Variants in XRCC4 observed in about 807,000 individuals in gnomAD.
XRCC4 encodes DNA repair protein XRCC4.
XRCC4 carries 28 observed loss-of-function variants against 39.1 expected under a neutral mutation model. The ratio of observed to expected loss-of-function variants is 0.72; its 90% CI spans 0.53 to 0.98. The LOEUF is 0.98. XRCC4 is among the 50% of genes least tolerant of loss of function. The pLI, the probability that XRCC4 is intolerant of heterozygous loss-of-function variation, is 0.00. For synonymous variants in XRCC4, 123 were observed against 126.4 expected (o/e 0.97, Z 0.18); for missense variants, 350 against 376.4 (o/e 0.93, Z 0.58).
intron 3 of XRCC4, among the ~76,000 whole-genome samples, chr5:83,130,956 G>T (rs1411794923): frequency 6.6e-6 from 1 of 151,912 alleles, no homozygotes; most frequent in Non-Finnish European, 1.5e-5. Context: ...GGTTTTTTGT[G>T]TCTCTTATCT....
chr5:83,146,260 C>G (rs775730519), intron 3 of XRCC4, among the ~76,000 whole-genome samples: 3 of 152,124 alleles, frequency 2.0e-5, no homozygotes, highest in Admixed American at 1.3e-4. Flanking sequence ...GAAAAAGTAT[C>G]TAATGGTGAG....
intron 7 of XRCC4, among the ~76,000 whole-genome samples, chr5:83,269,300 A>C (rs888037080): frequency 6.6e-6 from 1 of 152,074 alleles, no homozygotes; most frequent in Non-Finnish European, 1.5e-5. Flanking sequence ...ACTGTGTCCT[A>C]TGCTGGGACT....
intron 7 of XRCC4, among the ~76,000 whole-genome samples, chr5:83,265,579 A>G (rs1018546994): frequency 6.6e-6 from 1 of 152,206 alleles, no homozygotes; most frequent in Non-Finnish European, 1.5e-5. Context: ...ATAATTCAAT[A>G]AAGATTGATC....
At chr5:83,366,091 C>T in the XRCC4 span, among the ~76,000 whole-genome samples, 6 of 152,152 alleles carry the variant, frequency 3.9e-5, no homozygotes, top group Admixed American at 3.9e-4. Context: ...TTTTTAACAG[C>T]CCCATTAACT....
intron 7 of XRCC4, among the ~76,000 whole-genome samples, chr5:83,275,344 G>T (rs1374040902): frequency 5.3e-5 from 8 of 150,706 alleles, no homozygotes. Context: ...GCCCAGGCTG[G>T]AGTGCAGTGG....
At chr5:83,233,859 C>T (rs1294922063) in intron 6 of XRCC4, among the ~76,000 whole-genome samples, 1 of 144,616 alleles carries the variant, frequency 6.9e-6, no homozygotes, top group Non-Finnish European at 1.5e-5. Flanking sequence ...CTTGAGATCG[C>T]ACTACTGCAC....
chr5:83,284,651 ACAAT>A (rs1317806478), intron 7 of XRCC4, among the ~76,000 whole-genome samples: 1 of 152,102 alleles, frequency 6.6e-6, no homozygotes, highest in East Asian at 1.9e-4. Flanking sequence ...TGATTTGTAA[ACAAT>A]CAATTTAATA....
At chr5:83,258,340 T>C (rs1392518476) in intron 6 of XRCC4, among the ~76,000 whole-genome samples, 190 bp from the exon 7 acceptor site, 2 of 152,172 alleles carry the variant, frequency 1.3e-5, no homozygotes, top group Non-Finnish European at 2.9e-5. Flanking sequence ...ATACATAATG[T>C]TTTTTGTTGG....
intron 7 of XRCC4, among the ~76,000 whole-genome samples, chr5:83,283,480 C>A (rs922643012): frequency 2.6e-5 from 4 of 152,104 alleles, no homozygotes; most frequent in African/African-American, 9.7e-5. Flanking sequence ...GATCAAATTT[C>A]TCTGTTTAAA....
chr5:83,185,468 A>T (rs1437627104), intron 3 of XRCC4, among the ~76,000 whole-genome samples: 1 of 150,768 alleles, frequency 6.6e-6, no homozygotes, highest in East Asian at 1.9e-4. Context: ...TGGTAAGTAT[A>T]CATGTGTGAA....
At chr5:83,339,641 C>T (rs561326267) in intron 7 of XRCC4, among the ~76,000 whole-genome samples, 55 of 152,068 alleles carry the variant, frequency 3.6e-4, no homozygotes, top group African/African-American at 1.0e-3. Flanking sequence ...AAAAAAAATT[C>T]AAGCTGTAGA....
intron 7 of XRCC4, among the ~76,000 whole-genome samples, chr5:83,348,121 C>G (rs1458826170): frequency 6.6e-6 from 1 of 152,168 alleles, no homozygotes; most frequent in Non-Finnish European, 1.5e-5. Flanking sequence ...CTTTCATAGG[C>G]TGGTATTGAG....
chr5:83,173,126 G>T (rs1749804998), intron 3 of XRCC4, among the ~76,000 whole-genome samples: 1 of 151,990 alleles, frequency 6.6e-6, no homozygotes, highest in South Asian at 2.1e-4. Context: ...TCTTTCTCTT[G>T]CATTACCTAG....
intron 3 of XRCC4, among the ~76,000 whole-genome samples, chr5:83,116,748 A>T (rs1217520321): frequency 6.6e-6 from 1 of 150,640 alleles, no homozygotes; most frequent in African/African-American, 2.4e-5. Flanking sequence ...CAGTCTCCTG[A>T]GTAGCTGGGA....
chr5:83,108,356 C>T (rs1231149062), intron 2 of XRCC4, among the ~76,000 whole-genome samples: 1 of 151,902 alleles, frequency 6.6e-6, no homozygotes, highest in African/African-American at 2.4e-5. Flanking sequence ...TTTTCAAGTA[C>T]ATTTTTGAAC....
At chr5:83,107,709 T>C (rs984422172) in intron 2 of XRCC4, among the ~76,000 whole-genome samples, 2 of 151,960 alleles carry the variant, frequency 1.3e-5, no homozygotes, top group Non-Finnish European at 2.9e-5. Context: ...CTGGAGTAGT[T>C]TGAAGTTTAT....
intron 7 of XRCC4, among the ~76,000 whole-genome samples, chr5:83,352,538 G>A (rs1757112142): frequency 6.6e-6 from 1 of 152,300 alleles, no homozygotes; most frequent in African/African-American, 2.4e-5. Context: ...CATTGAAGTA[G>A]TGACTACAAT....
At chr5:83,330,631 A>G (rs1421970266) in intron 7 of XRCC4, among the ~76,000 whole-genome samples, 2 of 151,970 alleles carry the variant, frequency 1.3e-5, no homozygotes, top group Non-Finnish European at 2.9e-5. Context: ...ATATAACTAC[A>G]TTGGTAATTT....
intron 7 of XRCC4, among the ~76,000 whole-genome samples, chr5:83,286,102 C>T (rs1341183490): frequency 6.6e-6 from 1 of 152,016 alleles, no homozygotes; most frequent in East Asian, 1.9e-4. Flanking sequence ...AATAATTTGG[C>T]ACAACACATC....
Sources: gnomAD v4.1 joint callset for allele counts (sites outside exome capture counted in the v4.1 genomes callset) on GRCh38, gnomAD v4.1.1 for gene constraint, MANE v1.5 for transcripts, NCBI Gene and HGNC (gene_info 2026-07-23, HGNC 2026-07-21) for gene names.